GABRR3: variants seen among roughly 807,000 people sequenced by gnomAD.
GABRR3 encodes gamma-aminobutyric acid receptor subunit rho-3.
Under a neutral mutation model 43.2 loss-of-function variants are expected in GABRR3, and 29 were observed. The ratio of observed to expected loss-of-function variants is 0.67; its 90% CI spans 0.50 to 0.92. The LOEUF is 0.92. Among genes scored for constraint, GABRR3 ranks in the 40% least tolerant of loss-of-function variants. The probability of loss-of-function intolerance (pLI) is 0.00; values close to 1 mark genes in which losing one functional copy is unlikely to be tolerated. For missense variants in GABRR3, 576 were observed against 572.3 expected (o/e 1.01, Z -0.07); for synonymous variants, 206 against 195.9 (o/e 1.05, Z -0.43).
chr3:97,986,803 T>A (rs1265526389), exon 10 of GABRR3: 1 of 1,611,912 alleles, frequency 6.2e-7, no homozygotes, highest in African/African-American at 1.3e-5. Flanking sequence ...CATGTCCTCC[T>A]AGGGATTTTC....
At chr3:97,987,433 T>C (rs1300220535) in intron 9 of GABRR3, among the ~76,000 whole-genome samples, 1 of 152,238 alleles carries the variant, frequency 6.6e-6, no homozygotes, top group Non-Finnish European at 1.5e-5. Flanking sequence ...GGTTTTACTC[T>C]GAGGAAGATA....
intron 9 of GABRR3, among the ~76,000 whole-genome samples, chr3:97,990,149 A>T (rs1576034265): frequency 1.3e-5 from 2 of 152,352 alleles, no homozygotes; most frequent in East Asian, 3.9e-4. Context: ...TACTCACAAT[A>T]AGAACTTCCA....
chr3:98,008,646 A>T (rs1366770112), intron 6 of GABRR3, among the ~76,000 whole-genome samples: 1 of 152,192 alleles, frequency 6.6e-6, no homozygotes, highest in Non-Finnish European at 1.5e-5. Context: ...AGTCTGTGTC[A>T]GTCTATGTAA....
intron 2 of GABRR3, among the ~76,000 whole-genome samples, chr3:98,030,000 A>G (rs1454966074): frequency 1.3e-5 from 2 of 151,842 alleles, no homozygotes; most frequent in African/African-American, 2.4e-5. Flanking sequence ...CTGTAATTTC[A>G]TCTACTCAGG....
intron 5 of GABRR3, 69 bp from the exon 6 acceptor site, chr3:98,009,107 T>A: frequency 1.0e-6 from 1 of 961,890 alleles, no homozygotes; most frequent in Non-Finnish European, 1.6e-6. Context: ...CATGCAACAT[T>A]GAAGCTTTCT....
exon 7 of GABRR3, chr3:98,007,775 T>G (rs538767130): frequency 1.9e-6 from 3 of 1,613,684 alleles, no homozygotes; most frequent in Non-Finnish European, 2.5e-6. Flanking sequence ...TGTGCTGCTA[T>G]AGAAAGCTAA....
intron 7 of GABRR3, among the ~76,000 whole-genome samples, chr3:98,007,166 G>C (rs1437080224): frequency 1.3e-5 from 2 of 152,152 alleles, no homozygotes; most frequent in African/African-American, 4.8e-5. Context: ...GAGAAAGGAA[G>C]CCTGTTTTAC....
At chr3:97,987,131 T>A (rs984855885) in intron 9 of GABRR3, 149 bp from the exon 10 acceptor site, 1 of 609,350 alleles carries the variant, frequency 1.6e-6, no homozygotes, top group African/African-American at 1.9e-5. Context: ...TTTTTCTTTA[T>A]AGAAAATATA....
chr3:98,029,877 A>G (rs2107252177), intron 2 of GABRR3, among the ~76,000 whole-genome samples: 1 of 152,104 alleles, frequency 6.6e-6, no homozygotes, highest in South Asian at 2.1e-4. Flanking sequence ...GCACTTTGGG[A>G]GGCGAAGGCG....
intron 3 of GABRR3, among the ~76,000 whole-genome samples, chr3:98,024,452 C>T (rs1706986758): frequency 6.6e-6 from 1 of 150,980 alleles, no homozygotes; most frequent in Non-Finnish European, 1.5e-5. Context: ...CTAAAAAAAT[C>T]CAATCCTCAA....
chr3:98,013,877 CTG>C (rs1440122521), intron 4 of GABRR3, among the ~76,000 whole-genome samples: 1 of 152,188 alleles, frequency 6.6e-6, no homozygotes, highest in Non-Finnish European at 1.5e-5. Flanking sequence ...TGGGCAAACA[CTG>C]AGTTTATGCA....
intron 7 of GABRR3, among the ~76,000 whole-genome samples, chr3:98,003,869 C>T (rs987958445): frequency 2.0e-5 from 3 of 152,142 alleles, no homozygotes; most frequent in Admixed American, 6.6e-5. Flanking sequence ...GGAGCCTGCC[C>T]ATCTCTCTCT....
intron 7 of GABRR3, among the ~76,000 whole-genome samples, chr3:98,002,712 A>G (rs1706666791): frequency 6.9e-6 from 1 of 145,818 alleles, no homozygotes. Flanking sequence ...TTTTCTGAAT[A>G]AGTAGCAAGA....
At chr3:98,025,806 G>T in intron 2 of GABRR3, 127 bp from the exon 3 acceptor site, 1 of 592,220 alleles carries the variant, frequency 1.7e-6, no homozygotes, top group Non-Finnish European at 2.9e-6. Context: ...CATTTTCTCA[G>T]TTCATATTAA....
chr3:97,997,390 A>G (rs920880221), intron 8 of GABRR3: 1 of 152,220 alleles, frequency 6.6e-6, no homozygotes, highest in Non-Finnish European at 1.5e-5. Context: ...GAAAGATCAA[A>G]ATACTGAAAA....
chr3:98,019,659 C>T (rs951326343), intron 3 of GABRR3, among the ~76,000 whole-genome samples: 1 of 152,096 alleles, frequency 6.6e-6, no homozygotes, highest in Non-Finnish European at 1.5e-5. Context: ...GATCTTGGCT[C>T]ACTGCAACCT....
chr3:98,029,296 A>G (rs1174100370), intron 2 of GABRR3, among the ~76,000 whole-genome samples: 1 of 152,174 alleles, frequency 6.6e-6, no homozygotes, highest in Non-Finnish European at 1.5e-5. Context: ...TCACACAAAG[A>G]AAACATATTT....
chr3:98,030,588 C>A (rs77919660), intron 2 of GABRR3, among the ~76,000 whole-genome samples: 1,985 of 152,180 alleles, frequency 0.013, 48 homozygotes, highest in African/African-American at 0.046. Flanking sequence ...CATAAAAATC[C>A]ATTATTGCTA....
chr3:98,029,269 G>A (rs1016455776), intron 2 of GABRR3, among the ~76,000 whole-genome samples: 3 of 152,090 alleles, frequency 2.0e-5, no homozygotes, highest in African/African-American at 7.2e-5. Flanking sequence ...TTGAATTGGG[G>A]CCTCTTCCTT....
Sources: allele counts gnomAD v4.1 joint callset (sites outside exome capture counted in the v4.1 genomes callset), GRCh38; gene constraint gnomAD v4.1.1; transcripts MANE v1.5; gene names NCBI Gene and HGNC (gene_info 2026-07-23, HGNC 2026-07-21).